DST: variants seen among roughly 807,000 people sequenced by gnomAD.
DST encodes dystonin.
DST carries 253 observed loss-of-function variants against 875.2 expected under a neutral mutation model. The observed-to-expected ratio is 0.29, with a 90% CI of 0.26 to 0.32. DST has a LOEUF of 0.32. Among genes scored for constraint, DST ranks in the 10% least tolerant of loss-of-function variants. DST has a pLI of 1.00. For missense variants in DST, 8,287 were observed against 9,111.6 expected, an observed-to-expected ratio of 0.91 and a Z score of 3.68; for synonymous variants, 3,124 against 3,197.1, an observed-to-expected ratio of 0.98 and a Z score of 0.77.
chr6:56,677,672 T>C (rs1179336586), intron 9 of DST, among the ~76,000 whole-genome samples: 3 of 152,150 alleles, frequency 2.0e-5, no homozygotes, highest in African/African-American at 7.2e-5. Flanking sequence ...ATCTGTCAGG[T>C]AGCACCAAAA....
At chr6:56,528,676 T>C (rs1419868645) in intron 67 of DST, among the ~76,000 whole-genome samples, 165 bp downstream of exon 67, 1 of 152,188 alleles carries the variant, frequency 6.6e-6, no homozygotes, top group Admixed American at 6.5e-5. Flanking sequence ...AGTGAGATCA[T>C]ATCCTAACCA....
rs1291767235 is a variant in DST, at chr6:56,572,863, C to T, written c.13438G>A (p.Glu4480Lys). 17 of 1,613,226 alleles carry T rather than the reference C, an allele frequency of 1.1e-5. No individual in the cohort carries two copies. Among genetic ancestry groups the T allele is most frequent in the Non-Finnish European group, 1.4e-5 (17 of 1,179,660 alleles). The change falls in exon 52 of 104, where the codon GAA becomes AAA. Residue 4480 changes from glutamate (E) to lysine (K), a missense_variant. Transcript: ENST00000680361. ...TTTTCTGAGAGGTTCTCAAACAGTT[C>T]TACTTTGGTTTTTAGCTCCTCCATT... is the stretch of plus-strand genomic sequence containing the variant. ...AKMEELKTKV[E>K]LFENLSEKLQ...
At chr6:56,585,586 C>CGGG (rs566115280) in intron 49 of DST, among the ~76,000 whole-genome samples, 2 of 152,226 alleles carry the variant, frequency 1.3e-5, no homozygotes, top group South Asian at 4.2e-4. Context: ...CTTTGTGTCT[C>CGGG]TATTTCCTTC....
At chr6:56,670,850 G>T in intron 9 of DST, 43 bp from the exon 10 acceptor site, 1 of 1,321,070 alleles carries the variant, frequency 7.6e-7, no homozygotes. Flanking sequence ...AAGGAAGGAA[G>T]CTAACTCAGA....
At chr6:56,615,493 GCA>G (rs767286977) in intron 36 of DST, 3 of 1,613,706 alleles carry the variant, frequency 1.9e-6, no homozygotes, top group African/African-American at 2.7e-5. Flanking sequence ...ATCACCCCTT[GCA>G]CAGTTATTTA....
intron 2 of DST, among the ~76,000 whole-genome samples, chr6:56,923,586 G>A (rs1805404962): frequency 6.6e-6 from 1 of 152,004 alleles, no homozygotes; most frequent in East Asian, 1.9e-4. Context: ...CAAATCTACA[G>A]GATGGGCCAG....
At chr6:56,836,668 G>T (rs1451488870) in intron 4 of DST, among the ~76,000 whole-genome samples, 1 of 151,606 alleles carries the variant, frequency 6.6e-6, no homozygotes, top group African/African-American at 2.4e-5. Flanking sequence ...GGCTAACACG[G>T]TGAAACCCCG....
At chr6:56,802,608 C>T (rs994871199) in intron 4 of DST, among the ~76,000 whole-genome samples, 1 of 152,136 alleles carries the variant, frequency 6.6e-6, no homozygotes, top group Admixed American at 6.6e-5. Flanking sequence ...TAGGACAAAG[C>T]ATGAGCTCAT....
At chr6:56,530,859 G>A (rs964102976) in intron 64 of DST, among the ~76,000 whole-genome samples, 14 of 152,182 alleles carry the variant, frequency 9.2e-5, no homozygotes, top group African/African-American at 3.4e-4. Context: ...GTCTGCATAC[G>A]GAGTACCTGA....
At chr6:56,778,059 T>G (rs1026390519) in intron 4 of DST, among the ~76,000 whole-genome samples, 2 of 152,150 alleles carry the variant, frequency 1.3e-5, no homozygotes, top group African/African-American at 2.4e-5. Context: ...ATGTAAATAT[T>G]CCTTGGTTCA....
intron 3 of DST, among the ~76,000 whole-genome samples, chr6:56,855,399 A>G (rs999145891): frequency 4.6e-5 from 7 of 152,356 alleles, no homozygotes; most frequent in Admixed American, 3.3e-4. Context: ...CATTTACGGA[A>G]GATTAATAAA....
At chr6:56,807,526 A>G (rs1291252358) in intron 4 of DST, among the ~76,000 whole-genome samples, 1 of 152,220 alleles carries the variant, frequency 6.6e-6, no homozygotes, top group African/African-American at 2.4e-5. Flanking sequence ...TGGTGTGGTA[A>G]TGGCATAAAA....
chr6:56,561,709 A>G (rs1476738257), intron 56 of DST, among the ~76,000 whole-genome samples, 160 bp from the exon 57 acceptor site: 1 of 152,196 alleles, frequency 6.6e-6, no homozygotes, highest in Non-Finnish European at 1.5e-5. Context: ...AAAAGTTTGG[A>G]TCATCTTATA....
intron 37 of DST, 146 bp from the exon 38 acceptor site, chr6:56,611,742 C>A (rs2098546969): frequency 1.6e-6 from 1 of 608,396 alleles, no homozygotes; most frequent in Admixed American, 3.0e-5. Context: ...CAGTTATTAG[C>A]AGTCTATAGA....
Position 56,593,771 on chromosome 6 carries a change from T to C in DST, c.12618A>G (p.Lys4206=), listed in dbSNP as rs376162444. 1.4e-4 allele frequency: 225 copies of C among 1,613,960 alleles called. No individual in the cohort carries two copies. In the African/African-American group the frequency reaches 2.6e-3, roughly 18 times the overall value. Residue 4206 remains lysine, a synonymous_variant, in exon 48 of 104, where the codon AAA becomes AAG. Coordinates refer to ENST00000680361, the MANE Select transcript of DST (RefSeq NM_001374736.1). ...ISGNRVLEAA[K]SCSKRDGGKV... is the part of the protein sequence containing the mutation. ...TGCCACCGTCTCTCTTGCTGCAAGA[T>C]TTGGCAGCTTCCAACACTCTGTTTC... is the stretch of plus-strand genomic sequence containing the variant.
chr6:56,821,440 G>T (rs1399156860), intron 4 of DST, among the ~76,000 whole-genome samples: 1 of 152,164 alleles, frequency 6.6e-6, no homozygotes, highest in Non-Finnish European at 1.5e-5. Context: ...GCATATGTCT[G>T]GGGGCTTAAA....
intron 4 of DST, among the ~76,000 whole-genome samples, chr6:56,803,554 A>G (rs1011826223): frequency 2.6e-5 from 4 of 152,030 alleles, no homozygotes; most frequent in Non-Finnish European, 4.4e-5. Flanking sequence ...TCACGCAATC[A>G]TTTTCTGCAC....
At chr6:56,481,337 G>C in intron 90 of DST, among the ~76,000 whole-genome samples, 1 of 152,296 alleles carries the variant, frequency 6.6e-6, no homozygotes, top group Middle Eastern at 3.4e-3. Flanking sequence ...TTGACTTTTT[G>C]AGTCAAAGGT....
At chr6:56,785,468 C>T (rs936366359) in intron 4 of DST, among the ~76,000 whole-genome samples, 2 of 152,190 alleles carry the variant, frequency 1.3e-5, no homozygotes, top group Non-Finnish European at 2.9e-5. Flanking sequence ...TCTCAGACTG[C>T]TGTGCTAGCA....
Sources: allele counts gnomAD v4.1 joint callset (sites outside exome capture counted in the v4.1 genomes callset), GRCh38; gene constraint gnomAD v4.1.1; transcripts MANE v1.5; gene names NCBI Gene and HGNC (gene_info 2026-07-23, HGNC 2026-07-21).